Variants in PRDM10 observed in about 807,000 individuals in gnomAD.
PRDM10 encodes PR/SET domain 10.
Under a neutral mutation model 133.1 loss-of-function variants are expected in PRDM10, and 65 were observed. The ratio of observed to expected loss-of-function variants is 0.49; its 90% CI spans 0.40 to 0.60. PRDM10 has a LOEUF of 0.60. PRDM10 is among the 20% of genes least tolerant of loss of function. The pLI, the probability that PRDM10 is intolerant of heterozygous loss-of-function variation, is 0.00. For missense variants in PRDM10, 1,137 were observed against 1,507.1 expected (o/e 0.75, Z 4.07); for synonymous variants, 582 against 580.4 (o/e 1.00, Z -0.04).
chr11:129,914,856 G>A lies in PRDM10; in HGVS notation c.2689C>T (p.Gln897Ter). 6.2e-7 allele frequency: 1 copy of A among 1,614,160 alleles called. No individual in the cohort carries two copies. Among genetic ancestry groups the A allele is most frequent in the Non-Finnish European group, 8.5e-7 (1 of 1,180,024 alleles). ...GTCTGGGACAGTTCTGTCATTGCTT[G>A]GGTGAGCAGGTCCGTCGTCACCACA... is the stretch of plus-strand genomic sequence containing the variant. ...ETVVTTDLLT[Q>*]AMTELSQTLT... The change falls in exon 17 of 21, where the codon CAA (glutamine) becomes TAA (stop). Residue 897 changes from glutamine to a stop codon, truncating the protein, a stop_gained. Transcript: ENST00000360871. LOFTEE classifies it high-confidence loss of function.
chr11:129,982,109 T>G (rs532787970), intron 1 of PRDM10, among the ~76,000 whole-genome samples: 1 of 149,838 alleles, frequency 6.7e-6, no homozygotes, highest in East Asian at 2.1e-4. Flanking sequence ...ACTACAAAAA[T>G]TTAGCTGGGT....
intron 1 of PRDM10, among the ~76,000 whole-genome samples, chr11:129,978,332 C>T (rs1937903525): frequency 6.6e-6 from 1 of 152,130 alleles, no homozygotes; most frequent in South Asian, 2.1e-4. Context: ...TCCAAAAAAG[C>T]CTTCAGAAAC....
At chr11:129,905,981 C>A (rs779263431) in intron 19 of PRDM10, among the ~76,000 whole-genome samples, 1 of 152,204 alleles carries the variant, frequency 6.6e-6, no homozygotes, top group African/African-American at 2.4e-5. Context: ...TTCTCAATAT[C>A]CACAAAGACA....
rs1191198398 is a variant in PRDM10, at chr11:129,912,080, G to T, written c.2982+5C>A. 6.3e-7 allele frequency: 1 copy of T among 1,599,892 alleles called. No homozygotes were observed. The highest frequency in any genetic ancestry group is 8.5e-7 in the Non-Finnish European group (1 of 1,173,298). On this transcript the variant is annotated splice_donor_5th_base_variant and intron_variant, in intron 18 of 20. Transcript: ENST00000360871. ...CACCTCCAAATAGTCTGTGGAGCAGGGTACCTGGGCGGAGGACGGGGCCGA... is the reference window on the plus strand; with the variant it reads ...CACCTCCAAATAGTCTGTGGAGCAGTGTACCTGGGCGGAGGACGGGGCCGA...
intron 1 of PRDM10, among the ~76,000 whole-genome samples, chr11:129,971,892 C>G (rs1343637531): frequency 6.6e-6 from 1 of 152,206 alleles, no homozygotes; most frequent in Non-Finnish European, 1.5e-5. Context: ...GGGCGGCGCT[C>G]GTCGGGGAGG....
chr11:129,997,875 A>G (rs1359727986), intron 1 of PRDM10, among the ~76,000 whole-genome samples: 1 of 152,220 alleles, frequency 6.6e-6, no homozygotes, highest in African/African-American at 2.4e-5. Flanking sequence ...CTTTTGTGAG[A>G]GCTATCATAA....
intron 13 of PRDM10, among the ~76,000 whole-genome samples, chr11:129,920,697 C>T (rs969774368): frequency 6.6e-5 from 10 of 151,840 alleles, no homozygotes. Flanking sequence ...TCACTCCTCA[C>T]CTCTCCCTTT....
intron 2 of PRDM10, among the ~76,000 whole-genome samples, chr11:129,960,342 C>T (rs770606258): frequency 5.3e-5 from 8 of 151,872 alleles, no homozygotes; most frequent in Admixed American, 1.3e-4. Flanking sequence ...GATTTGCCTT[C>T]GCTAAGAACA....
At chr11:129,925,332 T>C in intron 11 of PRDM10, 103 bp from the exon 12 acceptor site, 1 of 1,126,542 alleles carries the variant, frequency 8.9e-7, no homozygotes, top group East Asian at 2.6e-5. Context: ...AATCACAGAC[T>C]TCCCATAGAA....
intron 1 of PRDM10, among the ~76,000 whole-genome samples, chr11:129,990,106 G>T (rs1187537165): frequency 6.6e-6 from 1 of 152,084 alleles, no homozygotes; most frequent in African/African-American, 2.4e-5. Flanking sequence ...AGTACTTTGG[G>T]AGGCCGAGGC....
rs965703569 is a variant in PRDM10 at position 129,901,510 on chromosome 11, T to C, written c.*803A>G. 1 of 152,204 alleles carries C rather than the reference T, an allele frequency of 6.6e-6. No homozygotes were observed. Among genetic ancestry groups the C allele is most frequent in the Non-Finnish European group, 1.5e-5 (1 of 68,028 alleles). The allele number at this position is 152,204 out of a possible 1,614,324, so 9.4% of individuals were successfully genotyped here. A position where few individuals can be genotyped will look rare whatever the true frequency, so the allele number is the denominator to read the frequency against. On this transcript the variant is annotated 3_prime_UTR_variant, in exon 21 of 21. Transcript: ENST00000360871. Reference sequence around the variant, plus strand: ...TTTTCTTGGTACCAATATCTCCTTCTTACCACCACCACAACCACAGAATGG... The same window carrying C: ...TTTTCTTGGTACCAATATCTCCTTCCTACCACCACCACAACCACAGAATGG...
At chr11:129,998,627 C>T (rs1939184139) in intron 1 of PRDM10, among the ~76,000 whole-genome samples, 4 of 152,136 alleles carry the variant, frequency 2.6e-5, no homozygotes, top group Admixed American at 1.3e-4. Flanking sequence ...CACTCCACTT[C>T]CTCACCCGCT....
At chr11:129,955,827 C>T (rs1951685823) in intron 3 of PRDM10, among the ~76,000 whole-genome samples, 1 of 152,182 alleles carries the variant, frequency 6.6e-6, no homozygotes, top group South Asian at 2.1e-4. Flanking sequence ...TACTCGTAAG[C>T]AAAGCCTTTC....
At chr11:129,942,193 G>T (rs1951230601) in intron 7 of PRDM10, among the ~76,000 whole-genome samples, 1 of 152,098 alleles carries the variant, frequency 6.6e-6, no homozygotes, top group South Asian at 2.1e-4. Context: ...ACCATGCCCG[G>T]CTTCACATAG....
intron 15 of PRDM10, among the ~76,000 whole-genome samples, chr11:129,916,803 T>C (rs1294715212): frequency 6.6e-6 from 1 of 152,200 alleles, no homozygotes; most frequent in East Asian, 1.9e-4. Context: ...TTATAGGTCA[T>C]GATAAATGCT....
At chr11:129,908,027 G>A (rs767877226) in intron 19 of PRDM10, among the ~76,000 whole-genome samples, 26 of 152,286 alleles carry the variant, frequency 1.7e-4, no homozygotes, top group African/African-American at 2.4e-4. Flanking sequence ...TTGAGCCCAG[G>A]AGTTCGAGGC....
At chr11:129,965,671 C>G (rs1340560508) in intron 1 of PRDM10, among the ~76,000 whole-genome samples, 1 of 151,848 alleles carries the variant, frequency 6.6e-6, no homozygotes, top group Non-Finnish European at 1.5e-5. Context: ...TGACTTTATT[C>G]AACAAGTATT....
At chr11:129,934,356 TCTC>T (rs1172167477) in intron 9 of PRDM10, among the ~76,000 whole-genome samples, 2 of 151,928 alleles carry the variant, frequency 1.3e-5, no homozygotes, top group African/African-American at 4.8e-5. Flanking sequence ...ATCTCACACA[TCTC>T]CTCTCTTTCC....
chr11:129,916,318 T>A (rs535001057), intron 15 of PRDM10, among the ~76,000 whole-genome samples: 1 of 152,302 alleles, frequency 6.6e-6, no homozygotes, highest in Non-Finnish European at 1.5e-5. Flanking sequence ...TGTTAAAAAA[T>A]GTTTCTCACT....
Sources: gnomAD v4.1 joint callset for allele counts (sites outside exome capture counted in the v4.1 genomes callset) on GRCh38, gnomAD v4.1.1 for gene constraint, MANE v1.5 for transcripts, NCBI Gene and HGNC (gene_info 2026-07-23, HGNC 2026-07-21) for gene names.